CERS6: variants seen among roughly 807,000 people sequenced by gnomAD.
CERS6 encodes LAG1 homolog, ceramide synthase 6.
In CERS6, 26 loss-of-function variants were observed where a neutral mutation model predicts 56.8. The observed-to-expected ratio is 0.46, with a 90% CI of 0.34 to 0.63. The LOEUF (loss-of-function observed/expected upper bound fraction) is 0.63. Among genes scored for constraint, CERS6 ranks in the 30% least tolerant of loss-of-function variants. CERS6 has a pLI of 0.01. For missense variants in CERS6, 415 were observed against 467.5 expected (o/e 0.89, Z 1.04); for synonymous variants, 164 against 173.3 (o/e 0.95, Z 0.42).
intron 4 of CERS6, among the ~76,000 whole-genome samples, chr2:168,647,814 T>C (rs1404275318): frequency 1.3e-5 from 2 of 152,240 alleles, no homozygotes; most frequent in African/African-American, 2.4e-5. Flanking sequence ...GGATCACATT[T>C]ATTGATTTGC....
At chr2:168,491,952 T>C (rs529779484) in intron 1 of CERS6, among the ~76,000 whole-genome samples, 1 of 152,302 alleles carries the variant, frequency 6.6e-6, no homozygotes, top group East Asian at 1.9e-4. Context: ...CATGAACTTA[T>C]CCTTTTTTAT....
At chr2:168,473,615 C>T (rs1694016679) in intron 1 of CERS6, among the ~76,000 whole-genome samples, 1 of 152,010 alleles carries the variant, frequency 6.6e-6, no homozygotes, top group Non-Finnish European at 1.5e-5. Context: ...AACATTAATG[C>T]TACAAAATTG....
rs535837745 is a variant in CERS6 at position 168,657,788 on chromosome 2, C to T, written c.465+26746C>T. ...GGAACTCCAGCTGGCCCGCAAGCGCCGCACGCAGCCCCGGTTCCCGCTCGT... is the reference window on the plus strand; with the variant it reads ...GGAACTCCAGCTGGCCCGCAAGCGCTGCACGCAGCCCCGGTTCCCGCTCGT... On this transcript the variant is annotated intron_variant, in intron 4 of 9. Transcript: ENST00000305747. Among the ~76,000 whole-genome samples, 144 of 152,368 alleles carry T rather than the reference C, an allele frequency of 9.5e-4. 1 individual carries two copies. Among genetic ancestry groups the T allele is most frequent in the African/African-American group, 3.1e-3 (131 of 41,592 alleles).
chr2:168,495,793 G>C (rs1056142622), intron 1 of CERS6, among the ~76,000 whole-genome samples: 1 of 152,204 alleles, frequency 6.6e-6, no homozygotes, highest in East Asian at 1.9e-4. Context: ...TCCTTTCAGG[G>C]GGGGCATGAT....
chr2:168,689,000 C>A (rs999662987), intron 4 of CERS6, among the ~76,000 whole-genome samples: 2 of 152,146 alleles, frequency 1.3e-5, no homozygotes, highest in African/African-American at 4.8e-5. Flanking sequence ...TAGAGTTATA[C>A]CTTGCCCTCC....
At chr2:168,532,777 G>T (rs1558986654) in intron 1 of CERS6, among the ~76,000 whole-genome samples, 1 of 152,140 alleles carries the variant, frequency 6.6e-6, no homozygotes, top group Non-Finnish European at 1.5e-5. Flanking sequence ...ATTTTTTAAA[G>T]AATATAAAGT....
chr2:168,561,334 T>C lies in CERS6; in HGVS notation c.407+12T>C, dbSNP rs758637978. 2.5e-6 allele frequency: 4 copies of C among 1,613,898 alleles called. No homozygotes were observed. In the East Asian group the frequency reaches 8.9e-5, roughly 36 times the overall value. On this transcript the variant is annotated intron_variant, in intron 3 of 9. Coordinates refer to ENST00000305747, the MANE Select transcript of CERS6 (RefSeq NM_203463.3). ...TTCTGTGAGAGCATGTAAGTTGCTG[T>C]TTTTCTTTTTGAAAGAAAAGACCTA...
intron 3 of CERS6, among the ~76,000 whole-genome samples, chr2:168,584,584 C>T (rs1011251706): frequency 6.6e-6 from 1 of 152,210 alleles, no homozygotes; most frequent in Non-Finnish European, 1.5e-5. Context: ...TAGACCTTTT[C>T]CCTAACATCA....
intron 4 of CERS6, among the ~76,000 whole-genome samples, chr2:168,638,074 T>A (rs1464790342): frequency 4.0e-5 from 6 of 149,334 alleles, no homozygotes; most frequent in Admixed American, 6.6e-5. Flanking sequence ...AAAAAAAAAA[T>A]TCAGCTGTTT....
intron 4 of CERS6, among the ~76,000 whole-genome samples, chr2:168,642,371 T>A (rs1297267423): frequency 6.6e-6 from 1 of 152,134 alleles, no homozygotes; most frequent in Admixed American, 6.5e-5. Context: ...ACCCTCAGAA[T>A]GTTAGTTCTG....
chr2:168,562,902 A>G (rs756027660), intron 3 of CERS6, among the ~76,000 whole-genome samples: 1 of 152,110 alleles, frequency 6.6e-6, no homozygotes, highest in Non-Finnish European at 1.5e-5. Context: ...GCCCTGCCAT[A>G]TATCCAAAGG....
intron 8 of CERS6, among the ~76,000 whole-genome samples, chr2:168,740,945 G>T (rs1023158174): frequency 5.9e-5 from 9 of 152,190 alleles, no homozygotes; most frequent in African/African-American, 2.2e-4. Flanking sequence ...AGGAATTCAG[G>T]AGATGGACAG....
intron 1 of CERS6, among the ~76,000 whole-genome samples, chr2:168,467,995 A>G (rs1693912343): frequency 6.6e-6 from 1 of 152,072 alleles, no homozygotes; most frequent in Admixed American, 6.5e-5. Flanking sequence ...AGAGTTTTAG[A>G]CAGGCCCTGA....
chr2:168,534,744 C>T (rs1218913113), intron 1 of CERS6, among the ~76,000 whole-genome samples: 1 of 152,226 alleles, frequency 6.6e-6, no homozygotes, highest in East Asian at 1.9e-4. Flanking sequence ...TAACAAAGCA[C>T]TTTGTCCCTT....
intron 7 of CERS6, 124 bp downstream of exon 7, chr2:168,715,253 C>G: frequency 1.5e-6 from 1 of 667,416 alleles, no homozygotes; most frequent in Non-Finnish European, 2.3e-6. Context: ...TACATTGAAA[C>G]TGCAGAGTGT....
At chr2:168,626,520 A>T (rs936742296) in intron 3 of CERS6, among the ~76,000 whole-genome samples, 18 of 152,308 alleles carry the variant, frequency 1.2e-4, no homozygotes, top group African/African-American at 4.3e-4. Flanking sequence ...TAAGGACAAT[A>T]AACCAGATTC....
At chr2:168,712,356 G>A (rs1378792339) in intron 6 of CERS6, among the ~76,000 whole-genome samples, 1 of 152,196 alleles carries the variant, frequency 6.6e-6, no homozygotes, top group African/African-American at 2.4e-5. Context: ...AGGGAATGTT[G>A]TAGGATGGAG....
chr2:168,647,860 C>G (rs928415037), intron 4 of CERS6, among the ~76,000 whole-genome samples: 1 of 152,108 alleles, frequency 6.6e-6, no homozygotes, highest in African/African-American at 2.4e-5. Context: ...GGGGATGAAG[C>G]CTACTTGATC....
chr2:168,626,012 G>A (rs1313728193), intron 3 of CERS6, among the ~76,000 whole-genome samples: 1 of 152,114 alleles, frequency 6.6e-6, no homozygotes, highest in Non-Finnish European at 1.5e-5. Context: ...GGAAGAAGTA[G>A]CATAGCTTAA....
Sources: allele counts gnomAD v4.1 joint callset (sites outside exome capture counted in the v4.1 genomes callset), GRCh38; gene constraint gnomAD v4.1.1; transcripts MANE v1.5; gene names NCBI Gene and HGNC (gene_info 2026-07-23, HGNC 2026-07-21).